Variants in SSR1 observed in about 807,000 individuals in gnomAD.
The protein encoded by SSR1 is translocon-associated protein subunit alpha.
Under a neutral mutation model 36.1 loss-of-function variants are expected in SSR1, and 13 were observed. The ratio of observed to expected loss-of-function variants is 0.36; its 90% CI spans 0.23 to 0.57. The LOEUF is 0.57. Among genes scored for constraint, SSR1 ranks in the 20% least tolerant of loss-of-function variants. The probability of loss-of-function intolerance (pLI) is 0.81; values close to 1 mark genes in which losing one functional copy is unlikely to be tolerated. For missense variants in SSR1, 291 were observed against 338.5 expected, an observed-to-expected ratio of 0.86 and a Z score of 1.10; for synonymous variants, 113 against 118.9, an observed-to-expected ratio of 0.95 and a Z score of 0.32.
intron 7 of SSR1, among the ~76,000 whole-genome samples, chr6:7,293,784 T>C (rs572438053): frequency 6.6e-6 from 1 of 152,278 alleles, no homozygotes; most frequent in East Asian, 1.9e-4. Flanking sequence ...GTCAATTATA[T>C]TGAAAAAATC....
In SSR1 at chr6:7,313,058, G is replaced by C. The variant is rs754276866; in HGVS notation, c.63C>G (p.Phe21Leu). Reference sequence around the variant, plus strand: ...CAGCCTCACCTCTGGGGCCGCCTCGGAACAAGACAGTGGCAGGGAACACGA... The same window carrying C: ...CAGCCTCACCTCTGGGGCCGCCTCGCAACAAGACAGTGGCAGGGAACACGA... Reference protein sequence around the residue: ...LLLVFPATVLFRGGPRGLLAV... With the variant: ...LLLVFPATVLLRGGPRGLLAV... Residue 21 changes from phenylalanine (F) to leucine (L), a missense_variant, in exon 1 of 8, where the codon TTC becomes TTG. Physicochemically the swap from Phe to Leu is conservative, Grantham distance 22. Transcript: ENST00000244763. 5.0e-6 allele frequency: 8 copies of C among 1,607,862 alleles called. No homozygotes were observed. Among genetic ancestry groups the C allele is most frequent in the Non-Finnish European group, 6.8e-6 (8 of 1,177,170 alleles).
chr6:7,306,688 G>T (rs574041784), intron 2 of SSR1, among the ~76,000 whole-genome samples: 2 of 150,926 alleles, frequency 1.3e-5, no homozygotes, highest in East Asian at 2.0e-4. Flanking sequence ...AGGCCGAGGC[G>T]GGCGGATCAC....
At chr6:7,295,537 T>C in intron 6 of SSR1, 52 bp from the exon 7 acceptor site, 1 of 1,302,814 alleles carries the variant, frequency 7.7e-7, no homozygotes, top group African/African-American at 1.5e-5. Flanking sequence ...ACCATTTACT[T>C]AATATTTTTT....
At chr6:7,295,866 C>T (rs1371469847) in intron 6 of SSR1, among the ~76,000 whole-genome samples, 1 of 152,040 alleles carries the variant, frequency 6.6e-6, no homozygotes, top group East Asian at 1.9e-4. Flanking sequence ...AAGACCTTTC[C>T]CCTTGCTATA....
rs369390891 is a variant in SSR1, at chr6:7,312,995, G to A, written c.79+47C>T. 2.2e-4 allele frequency: 334 copies of A among 1,549,576 alleles called. 1 individual carries two copies. In the African/African-American group the frequency reaches 4.2e-3, roughly 19 times the overall value. ...CTCCAACTTCAAACTTGCCATCACT[G>A]GCATCTCCTTCCTGGCCATCCCCTC... On this transcript the variant is annotated intron_variant, in intron 1 of 7. Coordinates refer to ENST00000244763, the MANE Select transcript of SSR1 (RefSeq NM_003144.5).
intron 6 of SSR1, chr6:7,297,216 CAAAAA>C (rs55729286): frequency 1.5e-4 from 11 of 73,426 alleles, no homozygotes; most frequent in Non-Finnish European, 2.0e-4. Flanking sequence ...CAGACTGTCT[CAAAAA>C]AAAAAAAAAA....
rs962317797 is a variant in SSR1, at chr6:7,282,460, A to AGCCCCTT, written c.*7397_*7403dup. 4.6e-5 allele frequency: 7 copies of AGCCCCTT among 152,300 alleles called. No individual in the cohort carries two copies. Among genetic ancestry groups the AGCCCCTT allele is most frequent in the African/African-American group, 1.7e-4 (7 of 41,450 alleles). 9.4% of individuals were successfully genotyped at this position (152,300 alleles called of 1,614,324 possible). A position where few individuals can be genotyped will look rare whatever the true frequency, so the allele number is the denominator to read the frequency against. On this transcript the variant is annotated 3_prime_UTR_variant, in exon 8 of 8. Coordinates refer to ENST00000244763, the MANE Select transcript of SSR1 (RefSeq NM_003144.5). ...ATGAAGCAGTTCAGACTCAGCTCTGAGCCCCTTGTGTGGACCACAAGCAGC... is the reference window on the plus strand; with the variant it reads ...ATGAAGCAGTTCAGACTCAGCTCTGAGCCCCTTGCCCCTTGTGTGGACCACAAGCAGC...
chr6:7,293,368 A>C (rs1011517164), intron 7 of SSR1, among the ~76,000 whole-genome samples: 1 of 151,426 alleles, frequency 6.6e-6, no homozygotes, highest in African/African-American at 2.4e-5. Flanking sequence ...CCCGAGTCCC[A>C]AAAGTCCATT....
chr6:7,286,905 G>A lies in SSR1; in HGVS notation c.*2959C>T, dbSNP rs1280776147. 12 of 106,092 alleles carry A rather than the reference G, an allele frequency of 1.1e-4. No individual in the cohort carries two copies. Among genetic ancestry groups the A allele is most frequent in the African/African-American group, 3.6e-4 (9 of 24,686 alleles). 6.6% of individuals were successfully genotyped at this position (106,092 alleles called of 1,614,324 possible). On this transcript the variant is annotated 3_prime_UTR_variant, in exon 8 of 8. Transcript: ENST00000244763. ...CCAGCCTGGGTGACACAGAGACTCC[G>A]TCTCAGGGGGCAAAAAAAAAAAAAA...
At chr6:7,302,488 G>A (rs780359934) in intron 3 of SSR1, among the ~76,000 whole-genome samples, 20 of 152,182 alleles carry the variant, frequency 1.3e-4, no homozygotes, top group Non-Finnish European at 2.4e-4. Flanking sequence ...GGCACTGGCC[G>A]GGTGTGGTGG....
intron 4 of SSR1, 74 bp downstream of exon 4, chr6:7,301,235 AT>A (rs1757925881): frequency 6.5e-7 from 1 of 1,527,748 alleles, no homozygotes; most frequent in Non-Finnish European, 8.8e-7. Context: ...GAATGAACAG[AT>A]ATATTCTATT....
intron 7 of SSR1, among the ~76,000 whole-genome samples, chr6:7,291,364 C>T (rs1384681521): frequency 6.6e-6 from 1 of 152,146 alleles, no homozygotes; most frequent in Non-Finnish European, 1.5e-5. Flanking sequence ...CACCACTGCA[C>T]TGCAGCCTGG....
At position 7,289,462 on chromosome 6, in the gene SSR1, T is replaced by C. The variant is rs1757629876; in HGVS notation, c.*402A>G. The C allele has an allele frequency of 1.1e-5, 2 of 182,504 alleles. No homozygotes were observed. Among genetic ancestry groups the C allele is most frequent in the Non-Finnish European group, 2.3e-5 (2 of 88,588 alleles). 11.3% of individuals were successfully genotyped at this position (182,504 alleles called of 1,614,324 possible). A position where few individuals can be genotyped will look rare whatever the true frequency, so the allele number is the denominator to read the frequency against. On this transcript the variant is annotated 3_prime_UTR_variant, in exon 8 of 8. Transcript: ENST00000244763. ...CAAAAATTGTTTTCTTTAAAACTGT[T>C]CAAGGCAGGACATCAATAATCATAG...
chr6:7,284,365 A>G lies in SSR1; in HGVS notation c.*5499T>C, dbSNP rs550820770. ...ATCATTAAAATCCAGTGCTAGCCAT[A>G]TTACATGCCCATCTTAAAACTTTTA... On this transcript the variant is annotated 3_prime_UTR_variant, in exon 8 of 8. Coordinates refer to ENST00000244763, the MANE Select transcript of SSR1 (RefSeq NM_003144.5). 23 of 152,308 alleles carry G rather than the reference A, an allele frequency of 1.5e-4. No individual in the cohort carries two copies. The highest frequency in any genetic ancestry group is 5.3e-4 in the African/African-American group (22 of 41,568). The allele number at this position is 152,308 out of a possible 1,614,324, so 9.4% of individuals were successfully genotyped here. A position where few individuals can be genotyped will look rare whatever the true frequency, so the allele number is the denominator to read the frequency against.
chr6:7,298,958 A>G (rs1055527365), intron 4 of SSR1, 135 bp from the exon 5 acceptor site: 76 of 651,994 alleles, frequency 1.2e-4, no homozygotes, highest in Non-Finnish European at 1.9e-4. Flanking sequence ...ACAAATTCAT[A>G]TGTAACTGCA....
chr6:7,297,378 T>C (rs541153610), intron 6 of SSR1, among the ~76,000 whole-genome samples: 1 of 152,032 alleles, frequency 6.6e-6, no homozygotes, highest in East Asian at 1.9e-4. Flanking sequence ...AATCCAAAGG[T>C]AAATATCACT....
chr6:7,309,839 T>C (rs530029223), intron 2 of SSR1, 78 bp downstream of exon 2: 1 of 1,173,202 alleles, frequency 8.5e-7, no homozygotes, highest in East Asian at 2.4e-5. Context: ...GTCTTGGGTA[T>C]GTCTTTATTA....
intron 1 of SSR1, among the ~76,000 whole-genome samples, chr6:7,312,669 C>T (rs1036618066): frequency 6.6e-6 from 1 of 152,234 alleles, no homozygotes; most frequent in Non-Finnish European, 1.5e-5. Context: ...AAAGAAACAG[C>T]CCGGCTGCGG....
chr6:7,289,660 TAAAA>T lies in SSR1; in HGVS notation c.*200_*203del. 1 of 549,438 alleles carries T rather than the reference TAAAA, an allele frequency of 1.8e-6. No homozygotes were observed. The highest frequency in any genetic ancestry group is 2.6e-5 in the South Asian group (1 of 38,746). 34.0% of individuals were successfully genotyped at this position (549,438 alleles called of 1,614,324 possible). ...CGCACACACATAGATTTTAATGGTT[TAAAA>T]AAAAACCAAATTTGTTACTTTAGAA... On this transcript the variant is annotated 3_prime_UTR_variant, in exon 8 of 8. Transcript: ENST00000244763.
Sources: gnomAD v4.1 joint callset for allele counts (sites outside exome capture counted in the v4.1 genomes callset) on GRCh38, gnomAD v4.1.1 for gene constraint, MANE v1.5 for transcripts, NCBI Gene and HGNC (gene_info 2026-07-23, HGNC 2026-07-21) for gene names.